Variants in MLLT10 observed in about 807,000 individuals in gnomAD.
The protein encoded by MLLT10 is MLLT10 histone lysine methyltransferase DOT1L cofactor, also known as protein AF-10.
MLLT10 carries 30 observed loss-of-function variants against 129.1 expected under a neutral mutation model. That is an observed-to-expected ratio of 0.23 (90% CI 0.17 to 0.32). The LOEUF (loss-of-function observed/expected upper bound fraction) is 0.32, where lower values mean the gene tolerates loss of function less well. Among genes scored for constraint, MLLT10 ranks in the 10% least tolerant of loss-of-function variants. The pLI, the probability that MLLT10 is intolerant of heterozygous loss-of-function variation, is 1.00. For synonymous variants in MLLT10, 490 were observed against 446.4 expected, an observed-to-expected ratio of 1.10 and a Z score of -1.23; for missense variants, 1,119 against 1,268.3, an observed-to-expected ratio of 0.88 and a Z score of 1.79.
At chr10:21,556,316 C>G (rs112398888) in intron 3 of MLLT10, among the ~76,000 whole-genome samples, 3 of 152,142 alleles carry the variant, frequency 2.0e-5, no homozygotes, top group Non-Finnish European at 4.4e-5. Context: ...TGTGAGCAGA[C>G]ATTATTGAGT....
At chr10:21,627,320 A>G (rs1038238706) in intron 8 of MLLT10, among the ~76,000 whole-genome samples, 1 of 152,194 alleles carries the variant, frequency 6.6e-6, no homozygotes, top group Non-Finnish European at 1.5e-5. Flanking sequence ...TAAAAGGGGA[A>G]TTTCCTAAAC....
intron 9 of MLLT10, among the ~76,000 whole-genome samples, chr10:21,664,104 A>G (rs1029679445): frequency 6.6e-6 from 1 of 152,074 alleles, no homozygotes; most frequent in African/African-American, 2.4e-5. Context: ...AATGCTTTGT[A>G]TGGTTTTCCT....
At chr10:21,623,740 G>C (rs1367632720) in intron 8 of MLLT10, among the ~76,000 whole-genome samples, 1 of 152,134 alleles carries the variant, frequency 6.6e-6, no homozygotes, top group Non-Finnish European at 1.5e-5. Context: ...TTGTTAGAAA[G>C]TTTTAAAAGC....
At chr10:21,560,037 C>T (rs1306584567) in intron 3 of MLLT10, among the ~76,000 whole-genome samples, 1 of 151,848 alleles carries the variant, frequency 6.6e-6, no homozygotes, top group African/African-American at 2.4e-5. Context: ...CGGAGTTTCA[C>T]TCTTGTTGCC....
At chr10:21,722,512 G>A (rs1213335813) in intron 14 of MLLT10, among the ~76,000 whole-genome samples, 1 of 152,010 alleles carries the variant, frequency 6.6e-6, no homozygotes, top group Non-Finnish European at 1.5e-5. Context: ...AAGCTTTCAT[G>A]CCCTTGATGC....
intron 2 of MLLT10, among the ~76,000 whole-genome samples, chr10:21,538,343 A>G (rs571987510): frequency 2.0e-5 from 3 of 151,982 alleles, no homozygotes; most frequent in South Asian, 4.1e-4. Flanking sequence ...TTGTATTTTT[A>G]GTAGGGACAG....
Position 21,534,388 on chromosome 10 carries a change from TGGA to T in MLLT10, c.-130_-128del. ...CCGGGCGCCCGCGTTAGCGGCCGGGTGGAGGTGGGGAGGGAAGACGCTGAGGAG... is the reference window on the plus strand; with the variant it reads ...CCGGGCGCCCGCGTTAGCGGCCGGGTGGTGGGGAGGGAAGACGCTGAGGAG... On this transcript the variant is annotated 5_prime_UTR_variant, in exon 1 of 23. Coordinates refer to ENST00000307729, the MANE Select transcript of MLLT10 (RefSeq NM_001195626.3). 3.5e-6 allele frequency: 1 copy of T among 289,374 alleles called. No homozygotes were observed. Among genetic ancestry groups the T allele is most frequent in the Non-Finnish European group, 6.5e-6 (1 of 153,344 alleles). The allele number at this position is 289,374 out of a possible 1,614,324, so 17.9% of individuals were successfully genotyped here.
intron 17 of MLLT10, among the ~76,000 whole-genome samples, chr10:21,731,894 T>C (rs1436301139): frequency 1.3e-5 from 2 of 152,202 alleles, no homozygotes; most frequent in African/African-American, 4.8e-5. Flanking sequence ...TTGCTTATTG[T>C]TGGCTAGCTA....
At position 21,692,583 on chromosome 10, in the gene MLLT10, A is replaced by G. The variant is rs570834549; in HGVS notation, c.1699+10326A>G. On this transcript the variant is annotated intron_variant, in intron 13 of 22. Transcript: ENST00000307729. Reference sequence around the variant, plus strand: ...CAGTCTCAATTTCTTGGGCTCAAGCAATCCTCCTGCCTCAGCCTCTTGAGT... The same window carrying G: ...CAGTCTCAATTTCTTGGGCTCAAGCGATCCTCCTGCCTCAGCCTCTTGAGT... 8.8e-4 allele frequency among the ~76,000 whole-genome samples: 133 copies of G among 151,894 alleles called. No individual in the cohort carries two copies. The Middle Eastern group carries it at 0.034, about 39-fold the overall frequency.
At chr10:21,627,099 C>T (rs1217432572) in intron 8 of MLLT10, among the ~76,000 whole-genome samples, 1 of 151,928 alleles carries the variant, frequency 6.6e-6, no homozygotes, top group Non-Finnish European at 1.5e-5. Context: ...TGCAAAAATA[C>T]TACAAATAAT....
chr10:21,641,800 C>T (rs958358350), intron 8 of MLLT10, among the ~76,000 whole-genome samples: 9 of 152,184 alleles, frequency 5.9e-5, no homozygotes, highest in Non-Finnish European at 1.3e-4. Context: ...TGATGGAATA[C>T]TCAAATCAGA....
intron 5 of MLLT10, among the ~76,000 whole-genome samples, chr10:21,607,540 G>A (rs193133188): frequency 6.6e-5 from 10 of 151,946 alleles, no homozygotes; most frequent in East Asian, 1.9e-4. Flanking sequence ...GGCTGGTCTC[G>A]GAACTCCTGA....
At chr10:21,620,507 A>G (rs575529787) in intron 8 of MLLT10, among the ~76,000 whole-genome samples, 3 of 152,116 alleles carry the variant, frequency 2.0e-5, no homozygotes, top group Non-Finnish European at 4.4e-5. Context: ...TTTTAACAGG[A>G]TATTTTCAGC....
At position 21,682,218 on chromosome 10, in the gene MLLT10, T is replaced by G; in HGVS notation, c.1667-7T>G. 1 of 1,609,710 alleles carries G rather than the reference T, an allele frequency of 6.2e-7. No individual in the cohort carries two copies. The highest frequency in any genetic ancestry group is 8.5e-7 in the Non-Finnish European group (1 of 1,178,402). On this transcript the variant is annotated splice_polypyrimidine_tract_variant and splice_region_variant and intron_variant, in intron 12 of 22. Transcript: ENST00000307729. ...TAACCTGAAGTCCTTTTTTCCTTAC[T>G]TAAAAGCGTTCTCAGAGTTGCTGAA...
chr10:21,670,873 T>C (rs571120271), intron 10 of MLLT10, 169 bp downstream of exon 10: 36 of 697,110 alleles, frequency 5.2e-5, no homozygotes, highest in Admixed American at 3.7e-4. Flanking sequence ...TCCTATTAAA[T>C]TTTTTTAATA....
Position 21,734,250 on chromosome 10 carries a change from A to T in MLLT10, c.2858+121A>T, listed in dbSNP as rs535088490. On this transcript the variant is annotated intron_variant, in intron 20 of 22. Coordinates refer to ENST00000307729, the MANE Select transcript of MLLT10 (RefSeq NM_001195626.3). ...ATACACCTTAAGAAGTCTGCCAAAA[A>T]TTTTAAGTATATTATACAGAGTACA... The T allele has an allele frequency of 7.0e-6, 8 of 1,139,948 alleles. No individual in the cohort carries two copies. In the South Asian group the frequency reaches 1.2e-4, roughly 17 times the overall value. 70.6% of individuals were successfully genotyped at this position (1,139,948 alleles called of 1,614,324 possible).
chr10:21,743,503 T>C lies in MLLT10; in HGVS notation c.*1520T>C, dbSNP rs1194796026. ...TTATTTTACTTATTTAACCCACTGG[T>C]TGTTATTCTGTAACAGTTTGTATAA... is the stretch of plus-strand genomic sequence containing the variant. On this transcript the variant is annotated 3_prime_UTR_variant, in exon 23 of 23. Coordinates refer to ENST00000307729, the MANE Select transcript of MLLT10 (RefSeq NM_001195626.3). 5.3e-6 allele frequency: 1 copy of C among 188,160 alleles called. No individual in the cohort carries two copies. The highest frequency in any genetic ancestry group is 1.1e-5 in the Non-Finnish European group (1 of 89,196). 11.7% of individuals were successfully genotyped at this position (188,160 alleles called of 1,614,324 possible). A position where few individuals can be genotyped will look rare whatever the true frequency, so the allele number is the denominator to read the frequency against.
At chr10:21,713,517 AG>A (rs2056293750) in intron 13 of MLLT10, among the ~76,000 whole-genome samples, 1 of 152,162 alleles carries the variant, frequency 6.6e-6, no homozygotes, top group Admixed American at 6.5e-5. Context: ...TTTTTTACAA[AG>A]CTCTTTCTGC....
At chr10:21,676,434 T>C (rs2052127048) in intron 11 of MLLT10, among the ~76,000 whole-genome samples, 2 of 129,538 alleles carry the variant, frequency 1.5e-5, no homozygotes, top group African/African-American at 3.0e-5. Flanking sequence ...AAAAAATTAC[T>C]CTGGGGCTGG....
Sources: gnomAD v4.1 joint callset for allele counts (sites outside exome capture counted in the v4.1 genomes callset) on GRCh38, gnomAD v4.1.1 for gene constraint, MANE v1.5 for transcripts, NCBI Gene and HGNC (gene_info 2026-07-23, HGNC 2026-07-21) for gene names.